The following ZIM2 variants were observed in gnomAD, a reference collection of about 807,000 sequenced individuals.
ZIM2 encodes the protein zinc finger protein 656.
In ZIM2, 14 loss-of-function variants were observed where a neutral mutation model predicts 38.6. The observed-to-expected ratio is 0.36, with a 90% CI of 0.24 to 0.57. The LOEUF (loss-of-function observed/expected upper bound fraction) is 0.57, where lower values mean the gene tolerates loss of function less well. Among genes scored for constraint, ZIM2 ranks in the 20% least tolerant of loss-of-function variants. The probability of loss-of-function intolerance (pLI) is 0.81; values close to 1 mark genes in which losing one functional copy is unlikely to be tolerated. For missense variants in ZIM2, 680 were observed against 695.1 expected (o/e 0.98, Z 0.24); for synonymous variants, 247 against 245.8 (o/e 1.00, Z -0.04).
intron 9 of ZIM2, chr19:56,815,043 G>A: frequency 1.2e-6 from 2 of 1,614,136 alleles, no homozygotes; most frequent in Non-Finnish European, 8.5e-7. Context: ...TGTCAACCAG[G>A]CACTTCCTGC....
At chr19:56,784,472 T>A (rs2046491366) in intron 10 of ZIM2, among the ~76,000 whole-genome samples, 1 of 152,200 alleles carries the variant, frequency 6.6e-6, no homozygotes, top group Non-Finnish European at 1.5e-5. Flanking sequence ...CACTGTATGG[T>A]AGGTCATGAT....
chr19:56,775,583 C>A, intron 12 of ZIM2, 54 bp from the exon 13 acceptor site: 2 of 1,529,548 alleles, frequency 1.3e-6, no homozygotes, highest in Non-Finnish European at 1.7e-6. Context: ...ATCCTGCCCC[C>A]CAATAATGAT....
chr19:56,806,490 T>A (rs1249498611), intron 9 of ZIM2, among the ~76,000 whole-genome samples: 1 of 152,232 alleles, frequency 6.6e-6, no homozygotes, highest in Non-Finnish European at 1.5e-5. Context: ...GCTCATCCCA[T>A]GGACCAGACA....
intron 1 of ZIM2, among the ~76,000 whole-genome samples, chr19:56,838,925 G>A (rs559274408): frequency 3.4e-4 from 52 of 152,328 alleles, no homozygotes; most frequent in African/African-American, 1.1e-3. Flanking sequence ...CCAGGTGGGC[G>A]GGGCTTGAAC....
chr19:56,782,428 C>G, intron 10 of ZIM2: 1 of 468,840 alleles, frequency 2.1e-6, no homozygotes. Flanking sequence ...AGTCCTGGCT[C>G]TGGTTCTTTG....
At chr19:56,789,634 G>C (rs528913286) in intron 10 of ZIM2, among the ~76,000 whole-genome samples, 1 of 152,158 alleles carries the variant, frequency 6.6e-6, no homozygotes, top group African/African-American at 2.4e-5. Context: ...AAGTACAACA[G>C]AGAAAAGTAA....
chr19:56,835,247 T>G (rs2061973204), intron 2 of ZIM2, among the ~76,000 whole-genome samples: 1 of 152,182 alleles, frequency 6.6e-6, no homozygotes, highest in Admixed American at 6.5e-5. Context: ...GATACTCCCA[T>G]GGTTAAAAGC....
At chr19:56,790,186 TAAAGTG>T in intron 9 of ZIM2, 1 of 381,378 alleles carries the variant, frequency 2.6e-6, no homozygotes, top group Non-Finnish European at 4.7e-6. Context: ...GCCTTCCAAA[TAAAGTG>T]AAAGTTCCCT....
At position 56,782,005 on chromosome 19, in the gene ZIM2, T is replaced by A; in HGVS notation, c.687A>T (p.Arg229Ser). ...CCAGCATCACCTCCCTGTAGAGGTT[T>A]CTCTGAGCAGCACTAAGGGAACTAA... is the stretch of plus-strand genomic sequence containing the variant. Reference protein sequence around the residue: ...EELSSLSAAQRNLYREVMLEN... With the variant: ...EELSSLSAAQSNLYREVMLEN... Residue 229 changes from arginine (R) to serine (S), a missense_variant, in exon 11 of 13, where the codon AGA (arginine) becomes AGT (serine). Arg to Ser is a moderately radical substitution (Grantham distance 110). Coordinates refer to ENST00000629319, the MANE Select transcript of ZIM2 (RefSeq NM_001387356.1). The A allele has an allele frequency of 5.6e-6, 9 of 1,613,964 alleles. No homozygotes were observed. Among genetic ancestry groups the A allele is most frequent in the Non-Finnish European group, 7.6e-6 (9 of 1,179,908 alleles).
At chr19:56,800,713 A>G (rs1244584174) in intron 9 of ZIM2, among the ~76,000 whole-genome samples, 1 of 152,162 alleles carries the variant, frequency 6.6e-6, no homozygotes, top group Admixed American at 6.5e-5. Context: ...TTGTCCTAAA[A>G]TAAAATGACC....
At chr19:56,779,888 T>C (rs1287670527) in intron 11 of ZIM2, among the ~76,000 whole-genome samples, 5 of 152,226 alleles carry the variant, frequency 3.3e-5, no homozygotes, top group Non-Finnish European at 5.9e-5. Flanking sequence ...GTCAACATTA[T>C]GGTTCTTTTC....
intron 10 of ZIM2, among the ~76,000 whole-genome samples, chr19:56,783,307 A>G (rs2046422586): frequency 6.6e-6 from 1 of 152,204 alleles, no homozygotes. Flanking sequence ...GGCAGATACC[A>G]TATACCCAAA....
chr19:56,801,613 G>A (rs964863626), intron 9 of ZIM2, among the ~76,000 whole-genome samples: 11 of 152,116 alleles, frequency 7.2e-5, no homozygotes, highest in Admixed American at 2.6e-4. Flanking sequence ...CTGGGCAGAC[G>A]TCCAGTCCCT....
intron 9 of ZIM2, chr19:56,810,526 G>A (rs2048060087): frequency 1.0e-6 from 1 of 983,216 alleles, no homozygotes; most frequent in Non-Finnish European, 1.2e-6. Context: ...GGGAATATGT[G>A]TGAATTTTCT....
chr19:56,836,542 A>T (rs750694839), intron 1 of ZIM2, among the ~76,000 whole-genome samples: 2 of 152,242 alleles, frequency 1.3e-5, no homozygotes, highest in Non-Finnish European at 2.9e-5. Context: ...ACATAGTCCA[A>T]GTCCCACTGC....
At chr19:56,780,535 C>T (rs1371455398) in intron 11 of ZIM2, among the ~76,000 whole-genome samples, 3 of 152,190 alleles carry the variant, frequency 2.0e-5, no homozygotes, top group South Asian at 2.1e-4. Context: ...TGAGCCACTG[C>T]GCCTGGCCAA....
intron 1 of ZIM2, among the ~76,000 whole-genome samples, chr19:56,840,310 C>A (rs1421280648): frequency 6.6e-6 from 1 of 152,200 alleles, no homozygotes; most frequent in Non-Finnish European, 1.5e-5. Context: ...CCCCGGACTG[C>A]AAGATGGCGG....
intron 1 of ZIM2, among the ~76,000 whole-genome samples, chr19:56,839,984 G>GC (rs1254832770): frequency 6.6e-6 from 1 of 152,212 alleles, no homozygotes; most frequent in Non-Finnish European, 1.5e-5. Context: ...ACCCCTACAG[G>GC]CAGGACAGCC....
chr19:56,811,128 C>T, intron 9 of ZIM2: 2 of 983,724 alleles, frequency 2.0e-6, no homozygotes, highest in South Asian at 9.4e-5. Flanking sequence ...TCTGTATTTT[C>T]CAAGTGTGTG....
Sources: gnomAD v4.1 joint callset for allele counts (sites outside exome capture counted in the v4.1 genomes callset) on GRCh38, gnomAD v4.1.1 for gene constraint, MANE v1.5 for transcripts, NCBI Gene and HGNC (gene_info 2026-07-23, HGNC 2026-07-21) for gene names.